The following RERE variants were observed in gnomAD, a reference collection of about 807,000 sequenced individuals.
RERE encodes the protein arginine-glutamic acid dipeptide repeats protein.
Under a neutral mutation model 146.1 loss-of-function variants are expected in RERE, and 40 were observed. The observed-to-expected ratio is 0.27, with a 90% CI of 0.21 to 0.36. The LOEUF (loss-of-function observed/expected upper bound fraction) is 0.36. RERE is among the 10% of genes least tolerant of loss of function. RERE has a pLI of 1.00. For synonymous variants in RERE, 1,003 were observed against 866.0 expected, an observed-to-expected ratio of 1.16 and a Z score of -2.78; for missense variants, 1,933 against 2,138.7, an observed-to-expected ratio of 0.90 and a Z score of 1.90.
chr1:8,805,000 T>TG (rs1557553302), intron 1 of RERE, among the ~76,000 whole-genome samples: 1 of 135,836 alleles, frequency 7.4e-6, no homozygotes, highest in Non-Finnish European at 1.5e-5. Flanking sequence ...TGTTTTGTTT[T>TG]GTTTTTGGTT....
At chr1:8,487,996 C>T (rs902267434) in intron 10 of RERE, among the ~76,000 whole-genome samples, 13 of 151,346 alleles carry the variant, frequency 8.6e-5, no homozygotes, top group Admixed American at 2.6e-4. Context: ...GTCCCAGCTA[C>T]TCAGGAGGCT....
chr1:8,502,359 G>C (rs1230238013), intron 8 of RERE, among the ~76,000 whole-genome samples: 1 of 117,982 alleles, frequency 8.5e-6, no homozygotes, highest in African/African-American at 3.5e-5. Flanking sequence ...CCCCCGCCCG[G>C]CCAGCCGCCC....
intron 1 of RERE, among the ~76,000 whole-genome samples, chr1:8,725,326 G>A (rs556599356): frequency 1.3e-3 from 191 of 152,336 alleles, no homozygotes; most frequent in African/African-American, 3.5e-3. Flanking sequence ...AGCACTTTGG[G>A]AGGCCAAGGT....
intron 6 of RERE, among the ~76,000 whole-genome samples, chr1:8,544,599 TG>T (rs1276088398): frequency 6.6e-6 from 1 of 152,188 alleles, no homozygotes; most frequent in Non-Finnish European, 1.5e-5. Context: ...GAGAGAAACC[TG>T]AACAGTTGGT....
rs1476768300 is a variant in RERE, at chr1:8,557,294, T to C, written c.628+124A>G. On this transcript the variant is annotated intron_variant, in intron 5 of 22. Transcript: ENST00000400908. ...GGTAGCCAATGTGAATCATCAAGCATAAGGCCTACCAACACTCCAAAATCC... is the reference window on the plus strand; with the variant it reads ...GGTAGCCAATGTGAATCATCAAGCACAAGGCCTACCAACACTCCAAAATCC... 11 of 653,558 alleles carry C rather than the reference T, an allele frequency of 1.7e-5. 1 individual carries two copies. In the East Asian group the frequency reaches 2.8e-4, roughly 17 times the overall value. The allele number at this position is 653,558 out of a possible 1,614,324, so 40.5% of individuals were successfully genotyped here. A position where few individuals can be genotyped will look rare whatever the true frequency, so the allele number is the denominator to read the frequency against.
At chr1:8,474,020 C>T (rs1296129405) in intron 10 of RERE, among the ~76,000 whole-genome samples, 1 of 152,240 alleles carries the variant, frequency 6.6e-6, no homozygotes, top group Non-Finnish European at 1.5e-5. Context: ...GATCATGCTA[C>T]AAGAAAAACA....
chr1:8,767,152 A>C (rs771872744), intron 1 of RERE, among the ~76,000 whole-genome samples: 16 of 152,194 alleles, frequency 1.1e-4, no homozygotes, highest in Non-Finnish European at 1.8e-4. Flanking sequence ...GTTGGGTATC[A>C]CTGGCATGTA....
chr1:8,722,454 C>T (rs917287559), intron 1 of RERE, among the ~76,000 whole-genome samples: 3 of 152,194 alleles, frequency 2.0e-5, no homozygotes, highest in Non-Finnish European at 4.4e-5. Flanking sequence ...ACAGGATAGG[C>T]ACTATTATTA....
chr1:8,356,317 T>C lies in RERE; in HGVS notation c.4340-71A>G. The stretch of plus-strand genomic sequence containing the variant: ...CAATGTTTGTCCCCCTTGGCTGGAA[T>C]GACCGATGACTTCCTCCTCACCCAG... On this transcript the variant is annotated intron_variant, in intron 20 of 22. Coordinates refer to ENST00000400908, the MANE Select transcript of RERE (RefSeq NM_001042681.2). This position sits in a 1 kb window ranked among gnomAD's most constrained non-coding sequence, Gnocchi z 5.2. 10 of 1,398,602 alleles carry C rather than the reference T, an allele frequency of 7.2e-6. No homozygotes were observed. Among genetic ancestry groups the C allele is most frequent in the Non-Finnish European group, 9.3e-6 (10 of 1,075,554 alleles). The allele number at this position is 1,398,602 out of a possible 1,614,324, so 86.6% of individuals were successfully genotyped here. A position where few individuals can be genotyped will look rare whatever the true frequency, so the allele number is the denominator to read the frequency against.
chr1:8,707,763 A>G (rs1639585905), intron 1 of RERE, among the ~76,000 whole-genome samples: 1 of 152,202 alleles, frequency 6.6e-6, no homozygotes, highest in Admixed American at 6.5e-5. Context: ...AGTACCAGTT[A>G]GCTATGTCCG....
At chr1:8,589,015 T>C (rs1044753711) in intron 4 of RERE, among the ~76,000 whole-genome samples, 5 of 151,796 alleles carry the variant, frequency 3.3e-5, no homozygotes, top group African/African-American at 7.3e-5. Context: ...TCCCAGCTAC[T>C]TGGGAGGATG....
At chr1:8,369,724 T>A (rs780884447) in intron 12 of RERE, among the ~76,000 whole-genome samples, 1 of 151,936 alleles carries the variant, frequency 6.6e-6, no homozygotes, top group Non-Finnish European at 1.5e-5. Context: ...CTTCTCTTAT[T>A]TACCCAAAAG....
At chr1:8,599,907 T>C (rs1334877159) in intron 4 of RERE, among the ~76,000 whole-genome samples, 1 of 152,232 alleles carries the variant, frequency 6.6e-6, no homozygotes, top group Non-Finnish European at 1.5e-5. Context: ...ACTCCTGGTC[T>C]CACAGATGTG....
intron 12 of RERE, among the ~76,000 whole-genome samples, chr1:8,389,584 C>T (rs548047762): frequency 3.9e-5 from 6 of 152,264 alleles, no homozygotes; most frequent in Non-Finnish European, 8.8e-5. Flanking sequence ...GACCCCCCTA[C>T]CGCCACACAT....
At chr1:8,650,063 G>A (rs959185784) in intron 2 of RERE, among the ~76,000 whole-genome samples, 2 of 152,102 alleles carry the variant, frequency 1.3e-5, no homozygotes, top group Non-Finnish European at 2.9e-5. Context: ...AGGCAGGCGG[G>A]AACATGGGCA....
chr1:8,793,837 G>A (rs569580365), intron 1 of RERE, among the ~76,000 whole-genome samples: 10 of 152,302 alleles, frequency 6.6e-5, no homozygotes, highest in African/African-American at 2.4e-4. Flanking sequence ...GGCCAAGACA[G>A]GTGGATCACT....
chr1:8,357,669 G>A (rs1570018449), intron 20 of RERE, among the ~76,000 whole-genome samples: 1 of 152,234 alleles, frequency 6.6e-6, no homozygotes. Context: ...GTCAATGAGT[G>A]GCCTTAAGGA....
chr1:8,699,975 A>G (rs1639411884), intron 1 of RERE, among the ~76,000 whole-genome samples: 1 of 152,202 alleles, frequency 6.6e-6, no homozygotes, highest in African/African-American at 2.4e-5. Context: ...ACAGATTTCA[A>G]TCAAGTTTGT....
chr1:8,543,807 G>A (rs996542550), intron 6 of RERE, among the ~76,000 whole-genome samples: 2 of 151,842 alleles, frequency 1.3e-5, no homozygotes, highest in African/African-American at 4.9e-5. Flanking sequence ...AAAGCCAAAA[G>A]CAACAGGAAT....
Sources: gnomAD v4.1 joint callset for allele counts (sites outside exome capture counted in the v4.1 genomes callset) on GRCh38, gnomAD v4.1.1 for gene constraint, Gnocchi (gnomAD v3.1) non-coding constraint, MANE v1.5 for transcripts, NCBI Gene and HGNC (gene_info 2026-07-23, HGNC 2026-07-21) for gene names.